TMOD3: variants seen among roughly 807,000 people sequenced by gnomAD.
The protein encoded by TMOD3 is tropomodulin-3.
A neutral mutation model predicts 39.2 loss-of-function variants in TMOD3; 20 were observed. The ratio of observed to expected loss-of-function variants is 0.51; its 90% CI spans 0.36 to 0.74. TMOD3 has a LOEUF of 0.74. Among genes scored for constraint, TMOD3 ranks in the 30% least tolerant of loss-of-function variants. The probability of loss-of-function intolerance (pLI) is 0.00; values close to 1 mark genes in which losing one functional copy is unlikely to be tolerated. For synonymous variants in TMOD3, 143 were observed against 145.8 expected, an observed-to-expected ratio of 0.98 and a Z score of 0.14; for missense variants, 381 against 412.8, an observed-to-expected ratio of 0.92 and a Z score of 0.67.
rs144692349 is a variant in TMOD3, at chr15:51,898,252, G to A, written c.735+1726G>A. 1.4e-3 allele frequency among the ~76,000 whole-genome samples: 215 copies of A among 152,240 alleles called. 11 individuals are homozygous for A. The highest frequency in any genetic ancestry group is 9.6e-3 in the East Asian group (50 of 5,184). ...CTCCCAAATCAGGGCCTGTACATTTGTTCCTTCTGCCTTGAACTTTCTTCC... is the reference window on the plus strand; with the variant it reads ...CTCCCAAATCAGGGCCTGTACATTTATTCCTTCTGCCTTGAACTTTCTTCC... On this transcript the variant is annotated intron_variant, in intron 7 of 9. Transcript: ENST00000308580.
At chr15:51,868,187 A>G (rs1566858670) in intron 2 of TMOD3, among the ~76,000 whole-genome samples, 1 of 152,248 alleles carries the variant, frequency 6.6e-6, no homozygotes, top group Non-Finnish European at 1.5e-5. Flanking sequence ...AGTCTGTACA[A>G]TGAAATGGAA....
chr15:51,875,194 A>T (rs77163392), intron 3 of TMOD3: 93 of 152,292 alleles, frequency 6.1e-4, no homozygotes, highest in African/African-American at 2.2e-3. Context: ...AACCAGAAAG[A>T]TCATGATTAT....
chr15:51,849,578 A>G (rs1453498883), intron 1 of TMOD3, among the ~76,000 whole-genome samples: 2 of 152,116 alleles, frequency 1.3e-5, no homozygotes, highest in Non-Finnish European at 2.9e-5. Context: ...ACCAAGAAAA[A>G]ATGATGTCCC....
At chr15:51,839,996 T>G (rs894258783) in intron 1 of TMOD3, among the ~76,000 whole-genome samples, 3 of 152,144 alleles carry the variant, frequency 2.0e-5, no homozygotes, top group Admixed American at 1.3e-4. Flanking sequence ...TTATATTACT[T>G]TATTTTATGT....
intron 3 of TMOD3, among the ~76,000 whole-genome samples, chr15:51,869,953 G>T (rs1952570163): frequency 2.0e-5 from 3 of 151,950 alleles, no homozygotes; most frequent in Non-Finnish European, 4.4e-5. Context: ...TTGTTTGTTT[G>T]TTTGAGATGG....
Position 51,896,514 on chromosome 15 carries a change from C to G in TMOD3, c.723C>G (p.Asp241Glu). The G allele has an allele frequency of 6.2e-7, 1 of 1,613,114 alleles. No homozygotes were observed. The highest frequency in any genetic ancestry group is 8.5e-7 in the Non-Finnish European group (1 of 1,179,254). Reference protein sequence around the residue: ...CFSLAATRSNDPVATAFAEML... With the variant: ...CFSLAATRSNEPVATAFAEML... ...GTCTTGCAGCCACCCGGAGCAATGA[C>G]CCTGTTGCTACTGTAAGTAAGCGAC... The change falls in exon 7 of 10, where the codon GAC becomes GAG. Residue 241 changes from aspartate (D) to glutamate (E), a missense_variant. By Grantham distance (45) the Asp-to-Glu change is conservative. Transcript: ENST00000308580.
At chr15:51,868,045 C>G (rs2141688468) in intron 2 of TMOD3, among the ~76,000 whole-genome samples, 1 of 152,308 alleles carries the variant, frequency 6.6e-6, no homozygotes, top group Non-Finnish European at 1.5e-5. Flanking sequence ...GTGATTGTAG[C>G]AAGTACATCC....
chr15:51,830,332 C>G (rs1403235920), intron 1 of TMOD3, among the ~76,000 whole-genome samples: 2 of 152,222 alleles, frequency 1.3e-5, no homozygotes, highest in Non-Finnish European at 2.9e-5. Flanking sequence ...CCGGTTTGAT[C>G]TGTCTGCTCT....
chr15:51,855,174 C>G (rs187074317), intron 1 of TMOD3, among the ~76,000 whole-genome samples: 1 of 152,366 alleles, frequency 6.6e-6, no homozygotes, highest in African/African-American at 2.4e-5. Context: ...ACAGAATACA[C>G]TCTGCCACAC....
At chr15:51,901,245 A>G (rs550001585) in intron 8 of TMOD3, 1 of 152,564 alleles carries the variant, frequency 6.6e-6, no homozygotes, top group Admixed American at 6.5e-5. Context: ...ACGGGCCACT[A>G]GAAATAATGC....
intron 1 of TMOD3, chr15:51,858,454 C>A (rs982108217): frequency 6.6e-6 from 1 of 151,458 alleles, no homozygotes; most frequent in Non-Finnish European, 1.5e-5. Context: ...TTCAAGATAA[C>A]CAGTAAACCA....
chr15:51,854,515 T>G (rs2141677949), intron 1 of TMOD3, among the ~76,000 whole-genome samples: 1 of 152,276 alleles, frequency 6.6e-6, no homozygotes, highest in African/African-American at 2.4e-5. Flanking sequence ...TCATAGACTA[T>G]CTCTCTGAAT....
intron 6 of TMOD3, among the ~76,000 whole-genome samples, chr15:51,895,581 C>T (rs564975092): frequency 6.6e-6 from 1 of 152,136 alleles, no homozygotes; most frequent in East Asian, 1.9e-4. Flanking sequence ...CAGTAATCAT[C>T]TGAAAATAAC....
Position 51,896,465 on chromosome 15 carries a change from C to T in TMOD3, c.674C>T (p.Thr225Ile). The change falls in exon 7 of 10, where the codon ACC (threonine) becomes ATC (isoleucine). Residue 225 changes from threonine to isoleucine, a missense_variant. Physicochemically the swap from Thr to Ile is moderately conservative, Grantham distance 89. Transcript: ENST00000308580. ...AAAGATTTTGCAAAGGCTTTGGAAA[C>T]CAACACACATGTGAAATGTTTCAGT... ...TLKDFAKALE[T>I]NTHVKCFSLA... 1 of 1,613,684 alleles carries T rather than the reference C, an allele frequency of 6.2e-7. No homozygotes were observed. Among genetic ancestry groups the T allele is most frequent in the Non-Finnish European group, 8.5e-7 (1 of 1,179,678 alleles).
At chr15:51,873,314 C>G (rs1180352826) in intron 3 of TMOD3, among the ~76,000 whole-genome samples, 1 of 152,212 alleles carries the variant, frequency 6.6e-6, no homozygotes, top group Non-Finnish European at 1.5e-5. Context: ...GCCCTGAACA[C>G]CTGGGTTGAG....
chr15:51,846,153 CA>C (rs71130104), intron 1 of TMOD3, among the ~76,000 whole-genome samples: 306 of 138,142 alleles, frequency 2.2e-3, no homozygotes, highest in East Asian at 2.5e-3. Context: ...CCATTTCTAC[CA>C]AAAAAAAAAA....
At chr15:51,830,177 A>T (rs2056247325) in intron 1 of TMOD3, among the ~76,000 whole-genome samples, 1 of 151,786 alleles carries the variant, frequency 6.6e-6, no homozygotes. Context: ...CACCCTACCC[A>T]GCGTCGCCGG....
At chr15:51,868,831 G>A (rs2056460495) in intron 2 of TMOD3, among the ~76,000 whole-genome samples, 1 of 152,116 alleles carries the variant, frequency 6.6e-6, no homozygotes, top group South Asian at 2.1e-4. Context: ...AATTAGCTGG[G>A]CGTGGTGGCA....
At chr15:51,882,546 TGTC>T (rs2141697096) in intron 3 of TMOD3, among the ~76,000 whole-genome samples, 1 of 152,312 alleles carries the variant, frequency 6.6e-6, no homozygotes, top group South Asian at 2.1e-4. Flanking sequence ...ATTGTGCAGT[TGTC>T]GTAGTACCAT....
Sources: allele counts gnomAD v4.1 joint callset (sites outside exome capture counted in the v4.1 genomes callset), GRCh38; gene constraint gnomAD v4.1.1; transcripts MANE v1.5; gene names NCBI Gene and HGNC (gene_info 2026-07-23, HGNC 2026-07-21).